Variants in SNX13 observed in about 807,000 individuals in gnomAD.
The protein encoded by SNX13 is sorting nexin-13.
A neutral mutation model predicts 133.6 loss-of-function variants in SNX13; 45 were observed. The ratio of observed to expected loss-of-function variants is 0.34; its 90% CI spans 0.27 to 0.43. The LOEUF (loss-of-function observed/expected upper bound fraction) is 0.43, where lower values mean the gene tolerates loss of function less well. Ranked by LOEUF, SNX13 falls within the 20% of genes least tolerant of loss-of-function variation. The pLI is 1.00. For missense variants in SNX13, 1,032 were observed against 1,145.1 expected (o/e 0.90, Z 1.43); for synonymous variants, 414 against 373.9 (o/e 1.11, Z -1.24).
At position 17,805,940 on chromosome 7, in the gene SNX13, A is replaced by G. The variant is rs376512077; in HGVS notation, c.2065-2360T>C. On this transcript the variant is annotated intron_variant, in intron 20 of 25. Coordinates refer to ENST00000428135, the MANE Select transcript of SNX13 (RefSeq NM_015132.5). ...TTAACCATGAAAGAGGCAGAATTTC[A>G]TAAGCATAAAAGCAAAGTCCATCAT... Among the ~76,000 whole-genome samples the G allele has an allele frequency of 2.0e-3, 300 of 152,350 alleles. 8 individuals are homozygous for G. The South Asian group carries it at 0.059, about 30-fold the overall frequency.
intron 11 of SNX13, among the ~76,000 whole-genome samples, chr7:17,848,367 C>G (rs1204446313): frequency 6.6e-6 from 1 of 152,164 alleles, no homozygotes; most frequent in Non-Finnish European, 1.5e-5. Context: ...TTCCTGGACG[C>G]CGAGTAAGAG....
At chr7:17,843,258 T>A (rs1222929627) in intron 12 of SNX13, among the ~76,000 whole-genome samples, 1 of 151,896 alleles carries the variant, frequency 6.6e-6, no homozygotes, top group Non-Finnish European at 1.5e-5. Flanking sequence ...ATGCAAACAG[T>A]AACCAAAATA....
intron 13 of SNX13, among the ~76,000 whole-genome samples, chr7:17,837,825 TG>T (rs1789326145): frequency 6.6e-6 from 1 of 151,482 alleles, no homozygotes; most frequent in Non-Finnish European, 1.5e-5. Flanking sequence ...TGTCCTTTTC[TG>T]GTGACACATT....
At chr7:17,910,146 C>G (rs1454690719) in intron 1 of SNX13, among the ~76,000 whole-genome samples, 1 of 152,094 alleles carries the variant, frequency 6.6e-6, no homozygotes, top group Non-Finnish European at 1.5e-5. Context: ...GTTGCTATTT[C>G]TTTTTGATTA....
chr7:17,859,692 C>T (rs909179829), intron 9 of SNX13, among the ~76,000 whole-genome samples: 2 of 152,070 alleles, frequency 1.3e-5, no homozygotes, highest in African/African-American at 4.8e-5. Context: ...TCTCTCCTCC[C>T]AGATCCCAGC....
chr7:17,871,895 A>G (rs1233665861), intron 8 of SNX13, among the ~76,000 whole-genome samples: 1 of 152,190 alleles, frequency 6.6e-6, no homozygotes, highest in Non-Finnish European at 1.5e-5. Context: ...ATGCGAACCT[A>G]TAAGCCTCTT....
intron 8 of SNX13, among the ~76,000 whole-genome samples, chr7:17,869,495 A>G (rs1466871071): frequency 3.3e-5 from 5 of 152,166 alleles, no homozygotes; most frequent in African/African-American, 4.8e-5. Flanking sequence ...TCTTAAGAAT[A>G]TTGGGGGAGG....
intron 8 of SNX13, among the ~76,000 whole-genome samples, chr7:17,872,749 C>CT (rs1332453626): frequency 2.6e-5 from 4 of 152,188 alleles, no homozygotes; most frequent in Non-Finnish European, 5.9e-5. Flanking sequence ...GCAGGACAGA[C>CT]TAAAGAGATC....
intron 20 of SNX13, among the ~76,000 whole-genome samples, chr7:17,809,191 G>A (rs1283475266): frequency 6.8e-6 from 1 of 147,646 alleles, no homozygotes; most frequent in East Asian, 2.1e-4. Flanking sequence ...ACCCACCGGA[G>A]TGCTGTATTC....
At chr7:17,800,566 G>T (rs923045457) in intron 22 of SNX13, among the ~76,000 whole-genome samples, 1 of 151,674 alleles carries the variant, frequency 6.6e-6, no homozygotes, top group Non-Finnish European at 1.5e-5. Context: ...GAAAATTATA[G>T]GACATCTCTG....
intron 1 of SNX13, among the ~76,000 whole-genome samples, chr7:17,909,150 G>A (rs1201683950): frequency 1.3e-5 from 2 of 152,036 alleles, no homozygotes; most frequent in Non-Finnish European, 2.9e-5. Flanking sequence ...AAAAAAACAT[G>A]AGATACCATC....
intron 13 of SNX13, among the ~76,000 whole-genome samples, chr7:17,836,559 T>C (rs1277858207): frequency 6.6e-6 from 1 of 152,090 alleles, no homozygotes; most frequent in African/African-American, 2.4e-5. Flanking sequence ...GTTATTACTT[T>C]AATGTGAAAA....
intron 9 of SNX13, among the ~76,000 whole-genome samples, chr7:17,859,952 C>A (rs1792442113): frequency 6.6e-6 from 1 of 152,116 alleles, no homozygotes; most frequent in Non-Finnish European, 1.5e-5. Context: ...GTGAATACTG[C>A]AATCATGATT....
At chr7:17,847,781 A>T (rs746680282) in intron 11 of SNX13, among the ~76,000 whole-genome samples, 2 of 152,234 alleles carry the variant, frequency 1.3e-5, no homozygotes. Flanking sequence ...ACTCCACAAA[A>T]AATGCTCTCA....
At chr7:17,816,132 G>A in intron 19 of SNX13, 50 bp downstream of exon 19, 1 of 1,480,762 alleles carries the variant, frequency 6.8e-7, no homozygotes, top group Non-Finnish European at 9.0e-7. Context: ...TTCTACACCT[G>A]TGTGCTATAT....
intron 1 of SNX13, among the ~76,000 whole-genome samples, chr7:17,937,753 G>C (rs1295026146): frequency 1.3e-5 from 2 of 152,106 alleles, no homozygotes; most frequent in Non-Finnish European, 2.9e-5. Flanking sequence ...TATGATTTCT[G>C]TCTCCTCCAT....
At chr7:17,870,625 G>GCA (rs1482279295) in intron 8 of SNX13, among the ~76,000 whole-genome samples, 7 of 152,158 alleles carry the variant, frequency 4.6e-5, no homozygotes, top group Non-Finnish European at 1.0e-4. Context: ...AGCTGCAGTA[G>GCA]CACATGCACC....
At chr7:17,864,782 G>A (rs1192100619) in intron 9 of SNX13, among the ~76,000 whole-genome samples, 2 of 150,430 alleles carry the variant, frequency 1.3e-5, no homozygotes, top group Admixed American at 1.3e-4. Context: ...GAAGGAGAAG[G>A]AGGAGAAGGG....
chr7:17,798,114 G>T lies in SNX13; in HGVS notation c.2513+576C>A, dbSNP rs539526031. Among the ~76,000 whole-genome samples, 847 of 151,910 alleles carry T rather than the reference G, an allele frequency of 5.6e-3. 4 individuals are homozygous for T. Among genetic ancestry groups the T allele is most frequent in the South Asian group, 0.017 (81 of 4,828 alleles). ...GCTTATCTTCACTTTCAGAAAAGAGGTTTATTTCTCTACTATCTGTACTTT... is the reference window on the plus strand; with the variant it reads ...GCTTATCTTCACTTTCAGAAAAGAGTTTTATTTCTCTACTATCTGTACTTT... On this transcript the variant is annotated intron_variant, in intron 24 of 25. Transcript: ENST00000428135.
Sources: gnomAD v4.1 joint callset for allele counts (sites outside exome capture counted in the v4.1 genomes callset) on GRCh38, gnomAD v4.1.1 for gene constraint, MANE v1.5 for transcripts, NCBI Gene and HGNC (gene_info 2026-07-23, HGNC 2026-07-21) for gene names.